Variants in PCDH15 observed in about 807,000 individuals in gnomAD.
PCDH15 encodes the protein protocadherin related 15.
PCDH15 carries 129 observed loss-of-function variants against 178.5 expected under a neutral mutation model. That is an observed-to-expected ratio of 0.72 (90% confidence interval 0.63 to 0.84). PCDH15 has a LOEUF of 0.84. Among genes scored for constraint, PCDH15 ranks in the 40% least tolerant of loss-of-function variants. The pLI, the probability that PCDH15 is intolerant of heterozygous loss-of-function variation, is 0.00. For missense variants in PCDH15, 2,230 were observed against 2,099.9 expected (o/e 1.06, Z -1.21); for synonymous variants, 800 against 732.0 (o/e 1.09, Z -1.50).
chr10:53,945,841 A>G (rs1372986071), intron 23 of PCDH15, among the ~76,000 whole-genome samples: 68 of 7,286 alleles, frequency 9.3e-3, no homozygotes, highest in African/African-American at 0.032. Context: ...TTCATTGTAT[A>G]TATATATATA....
intron 25 of PCDH15, among the ~76,000 whole-genome samples, chr10:53,922,084 C>A (rs1004650301): frequency 6.6e-6 from 1 of 151,302 alleles, no homozygotes; most frequent in African/African-American, 2.4e-5. Flanking sequence ...ATACATTATC[C>A]GGTTGTCAAT....
chr10:55,591,744 T>C (rs1330503244), intron 2 of PCDH15, among the ~76,000 whole-genome samples: 1 of 152,114 alleles, frequency 6.6e-6, no homozygotes, highest in African/African-American at 2.4e-5. Context: ...GCTGTCAAAC[T>C]GCACTGTGTG....
chr10:55,173,341 G>GTT (rs57067916), intron 1 of PCDH15, among the ~76,000 whole-genome samples: 6,318 of 146,022 alleles, frequency 0.043, 710 homozygotes, highest in African/African-American at 0.088. Context: ...GTGTGTGTGT[G>GTT]TGTGTATGTG....
At chr10:54,248,645 G>A (rs1232760713) in intron 8 of PCDH15, among the ~76,000 whole-genome samples, 1 of 152,028 alleles carries the variant, frequency 6.6e-6, no homozygotes, top group Non-Finnish European at 1.5e-5. Flanking sequence ...CAAAGTGCAG[G>A]TACCACAAGT....
At chr10:55,439,476 GA>G (rs796811090) in intron 2 of PCDH15, among the ~76,000 whole-genome samples, 1 of 151,548 alleles carries the variant, frequency 6.6e-6, no homozygotes, top group Admixed American at 6.6e-5. Context: ...AATATGAGTA[GA>G]AAAAAAATGA....
chr10:55,439,370 GAAAT>G (rs978178495), intron 2 of PCDH15, among the ~76,000 whole-genome samples: 2 of 152,138 alleles, frequency 1.3e-5, no homozygotes, highest in Admixed American at 6.6e-5. Flanking sequence ...AAACTCTACA[GAAAT>G]AAAGTTCCAA....
intron 2 of PCDH15, among the ~76,000 whole-genome samples, chr10:54,965,355 G>A (rs1218239069): frequency 2.6e-5 from 4 of 152,062 alleles, no homozygotes; most frequent in Admixed American, 1.3e-4. Flanking sequence ...CTATTCTCAT[G>A]ACAGTGAATA....
At chr10:55,009,740 G>A (rs1435432946) in intron 2 of PCDH15, among the ~76,000 whole-genome samples, 3 of 151,978 alleles carry the variant, frequency 2.0e-5, no homozygotes, top group African/African-American at 7.2e-5. Flanking sequence ...CTTTGCAATC[G>A]AAAACTAAAG....
chr10:55,427,688 A>C (rs1280101926), intron 2 of PCDH15, among the ~76,000 whole-genome samples: 1 of 152,172 alleles, frequency 6.6e-6, no homozygotes, highest in Non-Finnish European at 1.5e-5. Context: ...CCATTGCTAA[A>C]TGTTTAGTTT....
At position 55,352,889 on chromosome 10, in the gene PCDH15, T is replaced by C. The variant is rs140902891; in HGVS notation, c.-155-186238A>G. On this transcript the variant is annotated intron_variant, in intron 2 of 5. Transcript: ENST00000613346. The stretch of plus-strand genomic sequence containing the variant: ...TGCTGCTGGTCTGATCCACTACGGC[T>C]TTCTTAATCCAGGCAAAACCATTAC... Among the ~76,000 whole-genome samples the C allele has an allele frequency of 2.1e-3, 322 of 152,216 alleles. 2 individuals carry two copies. The highest frequency in any genetic ancestry group is 7.4e-3 in the African/African-American group (306 of 41,540).
chr10:54,515,092 G>A (rs575065749), intron 3 of PCDH15, among the ~76,000 whole-genome samples: 34 of 152,294 alleles, frequency 2.2e-4, no homozygotes, highest in African/African-American at 6.0e-4. Flanking sequence ...CTGAGGTACC[G>A]GGTTCATCTC....
chr10:55,167,590 A>G (rs1839229558), intron 1 of PCDH15, among the ~76,000 whole-genome samples: 1 of 152,196 alleles, frequency 6.6e-6, no homozygotes, highest in African/African-American at 2.4e-5. Context: ...AAATTTTAAC[A>G]TTGGTATCTT....
chr10:54,210,106 T>G (rs2134069119), intron 10 of PCDH15, among the ~76,000 whole-genome samples: 1 of 152,270 alleles, frequency 6.6e-6, no homozygotes, highest in Admixed American at 6.5e-5. Flanking sequence ...AGAAACACAT[T>G]TTTTGACGCA....
intron 1 of PCDH15, among the ~76,000 whole-genome samples, chr10:54,672,520 G>A (rs1014260829): frequency 2.0e-5 from 3 of 152,216 alleles, no homozygotes; most frequent in East Asian, 1.9e-4. Context: ...AGAAGCAAAC[G>A]TATTGTAAAC....
chr10:54,714,082 C>T (rs914217680), intron 1 of PCDH15, among the ~76,000 whole-genome samples: 1 of 151,996 alleles, frequency 6.6e-6, no homozygotes, highest in African/African-American at 2.4e-5. Flanking sequence ...ACGTAGCAGC[C>T]CCTTTATTCT....
intron 2 of PCDH15, among the ~76,000 whole-genome samples, chr10:55,381,711 A>C (rs1275075097): frequency 6.6e-6 from 1 of 152,180 alleles, no homozygotes; most frequent in Non-Finnish European, 1.5e-5. Context: ...GAAGACCTGG[A>C]TATACACAGA....
intron 2 of PCDH15, among the ~76,000 whole-genome samples, chr10:54,543,022 C>T (rs1294693375): frequency 6.6e-6 from 1 of 152,156 alleles, no homozygotes; most frequent in East Asian, 1.9e-4. Context: ...GAAGAGCACA[C>T]CGACAGACAC....
intron 3 of PCDH15, among the ~76,000 whole-genome samples, chr10:54,415,896 T>C (rs1343584117): frequency 2.0e-5 from 3 of 152,214 alleles, no homozygotes; most frequent in African/African-American, 7.2e-5. Context: ...CAAATGGTAT[T>C]TCCAATGACA....
intron 3 of PCDH15, among the ~76,000 whole-genome samples, chr10:54,477,049 A>T (rs1565373455): frequency 6.6e-6 from 1 of 151,978 alleles, no homozygotes; most frequent in Non-Finnish European, 1.5e-5. Flanking sequence ...GAGCCTCCTA[A>T]TCCATAAATA....
Sources: allele counts gnomAD v4.1 joint callset (sites outside exome capture counted in the v4.1 genomes callset), GRCh38; gene constraint gnomAD v4.1.1; transcripts MANE v1.5; gene names NCBI Gene and HGNC (gene_info 2026-07-23, HGNC 2026-07-21).